Variants in SCPPPQ1 observed in about 807,000 individuals in gnomAD.
SCPPPQ1 encodes secretory calcium-binding phosphoprotein proline-glutamine rich 1.
the SCPPPQ1 span, among the ~76,000 whole-genome samples, chr4:87,470,256 G>A: frequency 1.3e-5 from 2 of 152,152 alleles, no homozygotes; most frequent in African/African-American, 2.4e-5. Flanking sequence ...GTGAGCCACT[G>A]TGCTCAATTC....
At chr4:87,465,540 G>T in the SCPPPQ1 span, among the ~76,000 whole-genome samples, 2,676 of 65,610 alleles carry the variant, frequency 0.041, 98 homozygotes, top group African/African-American at 0.16. Context: ...TAAGGAAAAG[G>T]AAAAGGAATA....
At chr4:87,463,486 T>C in the SCPPPQ1 span, among the ~76,000 whole-genome samples, 1 of 152,178 alleles carries the variant, frequency 6.6e-6, no homozygotes, top group Admixed American at 6.6e-5. Context: ...GTCAATAGGT[T>C]AATTTTTAAA....
At chr4:87,465,405 G>GT in the SCPPPQ1 span, among the ~76,000 whole-genome samples, 21 of 152,066 alleles carry the variant, frequency 1.4e-4, no homozygotes, top group East Asian at 1.4e-3. Context: ...CAAAGAGAAT[G>GT]TTAGCCAGTA....
the SCPPPQ1 span, among the ~76,000 whole-genome samples, chr4:87,462,738 C>A: frequency 6.6e-6 from 1 of 152,124 alleles, no homozygotes; most frequent in African/African-American, 2.4e-5. Flanking sequence ...TGGCTCACGC[C>A]TGTAATCCCA....
At chr4:87,464,235 T>C in the SCPPPQ1 span, among the ~76,000 whole-genome samples, 1 of 152,032 alleles carries the variant, frequency 6.6e-6, no homozygotes, top group African/African-American at 2.4e-5. Context: ...AAGTAAGGAG[T>C]TGTAATTCAG....
the SCPPPQ1 span, chr4:87,461,081 C>T: frequency 6.6e-6 from 1 of 152,426 alleles, no homozygotes; most frequent in Admixed American, 6.6e-5. Flanking sequence ...ACTTATTTTC[C>T]TTATGTCTTA....
chr4:87,465,559 CAA>C, the SCPPPQ1 span, among the ~76,000 whole-genome samples: 379 of 98,186 alleles, frequency 3.9e-3, 1 homozygote, highest in African/African-American at 0.016. Flanking sequence ...TAGAAATCTA[CAA>C]AAAAAAAAAA....
At chr4:87,463,253 A>G in the SCPPPQ1 span, among the ~76,000 whole-genome samples, 1 of 152,012 alleles carries the variant, frequency 6.6e-6, no homozygotes, top group African/African-American at 2.4e-5. Context: ...GTGGCATTGA[A>G]TATAACTTAC....
At chr4:87,469,420 G>C in the SCPPPQ1 span, among the ~76,000 whole-genome samples, 2 of 152,118 alleles carry the variant, frequency 1.3e-5, no homozygotes, top group South Asian at 4.1e-4. Flanking sequence ...GCTGAGATTT[G>C]TACTGGGCAG....
chr4:87,463,784 G>C, the SCPPPQ1 span, among the ~76,000 whole-genome samples: 1 of 152,146 alleles, frequency 6.6e-6, no homozygotes, highest in Non-Finnish European at 1.5e-5. Context: ...CAGATTCCCT[G>C]TGTGAATGAT....
At chr4:87,468,063 T>G in the SCPPPQ1 span, among the ~76,000 whole-genome samples, 2 of 152,186 alleles carry the variant, frequency 1.3e-5, no homozygotes, top group African/African-American at 4.8e-5. Context: ...AAATACATTA[T>G]CCACTAAAGA....
At chr4:87,462,995 C>CAA in the SCPPPQ1 span, among the ~76,000 whole-genome samples, 9 of 91,650 alleles carry the variant, frequency 9.8e-5, no homozygotes, top group Admixed American at 3.7e-4. Context: ...CAAGACTCCT[C>CAA]AAAAAAAAAA....
At chr4:87,463,301 A>G in the SCPPPQ1 span, among the ~76,000 whole-genome samples, 1 of 142,192 alleles carries the variant, frequency 7.0e-6, no homozygotes, top group Non-Finnish European at 1.5e-5. Flanking sequence ...ATCTTACCCC[A>G]GAGAAGTTCC....
chr4:87,467,449 AT>A, the SCPPPQ1 span, among the ~76,000 whole-genome samples: 1 of 151,610 alleles, frequency 6.6e-6, no homozygotes, highest in African/African-American at 2.4e-5. Context: ...GGGAAAAAAA[AT>A]CTTCTTAGAG....
At chr4:87,467,719 A>G in the SCPPPQ1 span, among the ~76,000 whole-genome samples, 3 of 152,076 alleles carry the variant, frequency 2.0e-5, no homozygotes, top group Non-Finnish European at 4.4e-5. Flanking sequence ...AAAGCCTCAT[A>G]TTTCAGTATC....
the SCPPPQ1 span, among the ~76,000 whole-genome samples, chr4:87,469,527 C>G: frequency 2.0e-5 from 3 of 152,142 alleles, no homozygotes; most frequent in South Asian, 4.1e-4. Flanking sequence ...GACCTGCTTT[C>G]TAGCCGAGAA....
the SCPPPQ1 span, among the ~76,000 whole-genome samples, chr4:87,462,710 C>T: frequency 4.6e-5 from 7 of 152,010 alleles, no homozygotes; most frequent in Non-Finnish European, 8.8e-5. Context: ...AAAAATAAGC[C>T]TGAAAGCCTG....
the SCPPPQ1 span, among the ~76,000 whole-genome samples, chr4:87,461,232 T>C: frequency 6.6e-6 from 1 of 152,204 alleles, no homozygotes; most frequent in South Asian, 2.1e-4. Context: ...AATGAATACA[T>C]TGATATTTAG....
At chr4:87,467,430 A>G in the SCPPPQ1 span, among the ~76,000 whole-genome samples, 10 of 138,808 alleles carry the variant, frequency 7.2e-5, no homozygotes, top group Non-Finnish European at 1.2e-4. Context: ...AAAAAGTTAT[A>G]GAAAGCTGGG....
Sources: allele counts gnomAD v4.1 joint callset (sites outside exome capture counted in the v4.1 genomes callset), GRCh38; gene constraint gnomAD v4.1.1; transcripts MANE v1.5; gene names NCBI Gene and HGNC (gene_info 2026-07-23, HGNC 2026-07-21).